ZBED1: variants seen among roughly 807,000 people sequenced by gnomAD.
ZBED1 encodes E3 SUMO-protein ligase ZBED1.
Under a neutral mutation model 49.7 loss-of-function variants are expected in ZBED1, and 19 were observed. The ratio of observed to expected loss-of-function variants is 0.38; its 90% CI spans 0.27 to 0.56. The LOEUF (loss-of-function observed/expected upper bound fraction) is 0.56, where lower values mean the gene tolerates loss of function less well. ZBED1 is among the 20% of genes least tolerant of loss of function. The probability of loss-of-function intolerance (pLI) is 0.70; values close to 1 mark genes in which losing one functional copy is unlikely to be tolerated. For synonymous variants in ZBED1, 439 were observed against 440.3 expected (o/e 1.00, Z 0.04); for missense variants, 806 against 972.6 (o/e 0.83, Z 2.28).
At chrX:2,500,447 C>T in intron 1 of ZBED1, 1 of 162,572 alleles carries the variant, frequency 6.2e-6, no homozygotes, top group Non-Finnish European at 1.4e-5. Context: ...CGTGCGAGCC[C>T]CCGGGTCCCC....
intron 1 of ZBED1, among the ~76,000 whole-genome samples, chrX:2,497,462 A>C (rs1420512305): frequency 6.6e-6 from 1 of 152,202 alleles, no homozygotes; most frequent in Non-Finnish European, 1.5e-5. Flanking sequence ...GCCACTGTTC[A>C]CTACTCATAA....
rs756381297 is a variant in ZBED1, at chrX:2,488,804, G to A, written c.1916C>T (p.Ala639Val). ...CAGAAACACCTGCTCGTCCACGTGC[G>A]CGGGAGCCAGCCGGTTCCTCTTGGC... is the stretch of plus-strand genomic sequence containing the variant. ...VSAKRNRLAPAHVDEQVFLYE... is the reference protein window; with the variant it reads ...VSAKRNRLAPVHVDEQVFLYE... Residue 639 changes from alanine to valine, a missense_variant, in exon 2 of 2, where the codon GCG becomes GTG. By Grantham distance (64) the Ala-to-Val change is moderately conservative (BLOSUM62 0). Coordinates refer to ENST00000652001, the MANE Select transcript of ZBED1 (RefSeq NM_001171136.2). The A allele has an allele frequency of 3.2e-5, 51 of 1,613,762 alleles. No homozygotes were observed. Among genetic ancestry groups the A allele is most frequent in the South Asian group, 1.1e-4 (10 of 91,076 alleles).
In ZBED1 at chrX:2,488,203, G is replaced by A. The variant is rs1483526034; in HGVS notation, c.*432C>T. The A allele has an allele frequency of 1.8e-5, 3 of 165,226 alleles. No individual in the cohort carries two copies. The highest frequency in any genetic ancestry group is 3.9e-5 in the Non-Finnish European group (3 of 77,494). The allele number at this position is 165,226 out of a possible 1,614,324, so 10.2% of individuals were successfully genotyped here. A position where few individuals can be genotyped will look rare whatever the true frequency, so the allele number is the denominator to read the frequency against. Reference sequence around the variant, plus strand: ...CTTGTGTCTTCTTTTTTCTTTTTGAGAGAGTCTCGCTCTTGTCGCCCAGGC... The same window carrying A: ...CTTGTGTCTTCTTTTTTCTTTTTGAAAGAGTCTCGCTCTTGTCGCCCAGGC... On this transcript the variant is annotated 3_prime_UTR_variant, in exon 2 of 2. Transcript: ENST00000652001.
In ZBED1 at chrX:2,488,726, C is replaced by T. The variant is rs1569343831; in HGVS notation, c.1994G>A (p.Gly665Glu). ...AEAEPEDQDE[G>E]EWGLDQEQVF... is the part of the protein sequence containing the mutation. ...CTGCTCCTGGTCCAGGCCCCACTCC[C>T]CCTCGTCCTGGTCCTCGGGTTCCGC... Residue 665 changes from glycine (G) to glutamate (E), a missense_variant, in exon 2 of 2, where the codon GGG (glycine) becomes GAG (glutamate). Coordinates refer to ENST00000652001, the MANE Select transcript of ZBED1 (RefSeq NM_001171136.2). 13 of 1,613,924 alleles carry T rather than the reference C, an allele frequency of 8.1e-6. No homozygotes were observed. The highest frequency in any genetic ancestry group is 1.1e-5 in the Non-Finnish European group (13 of 1,179,868).
At chrX:2,496,192 G>GT (rs1289808730) in intron 1 of ZBED1, among the ~76,000 whole-genome samples, 1 of 151,864 alleles carries the variant, frequency 6.6e-6, no homozygotes, top group Non-Finnish European at 1.5e-5. Context: ...TTTTGTTTTT[G>GT]TTTTTTTGTT....
Position 2,487,368 on chromosome X carries a change from CTTTTG to C in ZBED1, c.*1262_*1266del, listed in dbSNP as rs67311651. 25,754 of 151,892 alleles carry C rather than the reference CTTTTG, an allele frequency of 0.17. 2,871 individuals are homozygous for C. Among genetic ancestry groups the C allele is most frequent in the East Asian group, 0.55 (2,801 of 5,092 alleles). 9.4% of individuals were successfully genotyped at this position (151,892 alleles called of 1,614,324 possible). ...AACCTCCGGACCCGTGAGCCACCCA[CTTTTG>C]TTTTGTTTTGAGACGGAGTCTCACT... On this transcript the variant is annotated 3_prime_UTR_variant, in exon 2 of 2. Coordinates refer to ENST00000652001, the MANE Select transcript of ZBED1 (RefSeq NM_001171136.2).
Position 2,490,286 on chromosome X carries a change from T to C in ZBED1, c.434A>G (p.Asp145Gly). ...CEGLYPASIV[D>G]EPTFKVLLKT... ...CAGCAGCACCTTGAAGGTGGGCTCG[T>C]CCACGATGGAGGCTGGGTACAGCCC... The change falls in exon 2 of 2, where the codon GAC becomes GGC. Residue 145 changes from aspartate (D) to glycine (G), a missense_variant. This residue lies in a region of ZBED1 where 749 missense variants were observed against 861.3 expected (regional missense o/e 0.87). Coordinates refer to ENST00000652001, the MANE Select transcript of ZBED1 (RefSeq NM_001171136.2). 6.2e-7 allele frequency: 1 copy of C among 1,613,646 alleles called. No individual in the cohort carries two copies. Among genetic ancestry groups the C allele is most frequent in the Non-Finnish European group, 8.5e-7 (1 of 1,179,870 alleles).
chrX:2,490,415 G>A lies in ZBED1; in HGVS notation c.305C>T (p.Ser102Phe). Residue 102 changes from serine to phenylalanine, a missense_variant, in exon 2 of 2, where the codon TCC (serine) becomes TTC (phenylalanine). Transcript: ENST00000652001. ...CAGCGCGTCCTGCCCGGGCTGCTGG[G>A]ACGACTCGGGCTTCAGCTTGGAGAA... ...TAFSKLKPES[S>F]QQPGQDALAV... 1 of 1,613,966 alleles carries A rather than the reference G, an allele frequency of 6.2e-7. No homozygotes were observed. The highest frequency in any genetic ancestry group is 8.5e-7 in the Non-Finnish European group (1 of 1,179,870).
rs769306154 is a variant in ZBED1 at position 2,490,104 on chromosome X, G to T, written c.616C>A (p.Gln206Lys). The change falls in exon 2 of 2, where the codon CAG becomes AAG. Residue 206 changes from glutamine to lysine, a missense_variant. Gln to Lys is a moderately conservative substitution (Grantham distance 53). Coordinates refer to ENST00000652001, the MANE Select transcript of ZBED1 (RefSeq NM_001171136.2). The stretch of plus-strand genomic sequence containing the variant: ...GCCAGCGTGACGTAGGCGCGGTTCT[G>T]ATTCTCACTCCTCCACATGTCGGTG... ...ISTDMWRSENQNRAYVTLAAH... is the reference protein window; with the variant it reads ...ISTDMWRSENKNRAYVTLAAH... 5.6e-6 allele frequency: 9 copies of T among 1,613,786 alleles called. No homozygotes were observed. The East Asian group carries it at 1.8e-4, about 32-fold the overall frequency.
In ZBED1 at chrX:2,489,790, C is replaced by T. The variant is rs779180740; in HGVS notation, c.930G>A (p.Ala310=). 1.6e-5 allele frequency: 26 copies of T among 1,613,424 alleles called. No individual in the cohort carries two copies. Among genetic ancestry groups the T allele is most frequent in the South Asian group, 1.3e-4 (12 of 91,048 alleles). Residue 310 remains alanine, a synonymous_variant, in exon 2 of 2, where the codon GCG becomes GCA. Transcript: ENST00000652001. ...QQAFQLPKLG[A]LLSRCRKLVE... is the part of the protein sequence containing the mutation. ...CCAGTTTGCGGCAGCGCGACAGCAGCGCCCCCAGCTTCGGGAGCTGGAAGG... is the reference window on the plus strand; with the variant it reads ...CCAGTTTGCGGCAGCGCGACAGCAGTGCCCCCAGCTTCGGGAGCTGGAAGG...
rs765140029 is a variant in ZBED1, at chrX:2,488,733, C to T, written c.1987G>A (p.Asp663Asn). The T allele has an allele frequency of 2.5e-6, 4 of 1,613,972 alleles. No individual in the cohort carries two copies. The highest frequency in any genetic ancestry group is 2.5e-6 in the Non-Finnish European group (3 of 1,179,874). The part of the protein sequence containing the change: ...SGAEAEPEDQ[D>N]EGEWGLDQEQ... Reference sequence around the variant, plus strand: ...TGGTCCAGGCCCCACTCCCCCTCGTCCTGGTCCTCGGGTTCCGCCTCTGCC... The same window carrying T: ...TGGTCCAGGCCCCACTCCCCCTCGTTCTGGTCCTCGGGTTCCGCCTCTGCC... The change falls in exon 2 of 2, where the codon GAC becomes AAC. Residue 663 changes from aspartate to asparagine, a missense_variant. Around this residue, in one of 2 missense-constraint regions of ZBED1, gnomAD observed 749 missense variants for 861.3 expected, o/e 0.87. Transcript: ENST00000652001.
Position 2,488,670 on chromosome X carries a change from C to T in ZBED1, c.2050G>A (p.Gly684Ser), listed in dbSNP as rs143280726. 2.5e-4 allele frequency: 395 copies of T among 1,610,816 alleles called. 2 individuals are homozygous for T. In the East Asian group the frequency reaches 6.5e-3, roughly 27 times the overall value. Reference sequence around the variant, plus strand: ...CTGCTGTCCCTAATGCCAAAGAAACCGCCGCTGACGCCATCCCCCAAGGAG... The same window carrying T: ...CTGCTGTCCCTAATGCCAAAGAAACTGCCGCTGACGCCATCCCCCAAGGAG... ...VFSLGDGVSG[G>S]FFGIRDSSFL The change falls in exon 2 of 2, where the codon GGT (glycine) becomes AGT (serine). Residue 684 changes from glycine to serine, a missense_variant. Gly to Ser is a moderately conservative substitution (Grantham distance 56). This residue lies in a region of ZBED1 where 749 missense variants were observed against 861.3 expected (regional missense o/e 0.87). Coordinates refer to ENST00000652001, the MANE Select transcript of ZBED1 (RefSeq NM_001171136.2).
chrX:2,496,825 T>C (rs191809856), intron 1 of ZBED1, among the ~76,000 whole-genome samples: 70 of 149,576 alleles, frequency 4.7e-4, no homozygotes, highest in African/African-American at 1.7e-3. Context: ...CTAAATTATA[T>C]AAATATAACT....
Position 2,489,767 on chromosome X carries a change from A to T in ZBED1, c.953T>A (p.Leu318Gln). 1 of 1,613,360 alleles carries T rather than the reference A, an allele frequency of 6.2e-7. No homozygotes were observed. Among genetic ancestry groups the T allele is most frequent in the Non-Finnish European group, 8.5e-7 (1 of 1,179,858 alleles). The change falls in exon 2 of 2, where the codon CTG (leucine) becomes CAG (glutamine). Residue 318 changes from leucine to glutamine, a missense_variant. Physicochemically the swap from Leu to Gln is moderately radical, Grantham distance 113. Around this residue, in one of 2 missense-constraint regions of ZBED1, gnomAD observed 749 missense variants for 861.3 expected, o/e 0.87. Coordinates refer to ENST00000652001, the MANE Select transcript of ZBED1 (RefSeq NM_001171136.2). ...LGALLSRCRK[L>Q]VEYFQQSAVA... ...GGCAGACTGCTGGAAGTACTCCACC[A>T]GTTTGCGGCAGCGCGACAGCAGCGC...
intron 1 of ZBED1, among the ~76,000 whole-genome samples, chrX:2,493,514 G>A (rs2045210636): frequency 6.6e-6 from 1 of 151,520 alleles, no homozygotes; most frequent in African/African-American, 2.4e-5. Flanking sequence ...TCTGGAACCT[G>A]AAGGAAAGGT....
At chrX:2,492,480 G>A (rs1453011233) in intron 1 of ZBED1, among the ~76,000 whole-genome samples, 1 of 151,950 alleles carries the variant, frequency 6.6e-6, no homozygotes, top group Non-Finnish European at 1.5e-5. Context: ...CCCGCAGAAA[G>A]ATCTGTCCAC....
Position 2,488,857 on chromosome X carries a change from G to T in ZBED1, c.1863C>A (p.Leu621=), listed in dbSNP as rs1192277347. The T allele has an allele frequency of 6.2e-7, 1 of 1,613,650 alleles. No homozygotes were observed. The highest frequency in any genetic ancestry group is 2.2e-5 in the East Asian group (1 of 44,874). ...TGACCACGTTGGCGGCGGATCCGAAGAGACGCTCAGGGGCGACGCGCGTGG... is the reference window on the plus strand; with the variant it reads ...TGACCACGTTGGCGGCGGATCCGAATAGACGCTCAGGGGCGACGCGCGTGG... ...VTATRVAPER[L]FGSAANVVSA... Residue 621 remains leucine, a synonymous_variant, in exon 2 of 2, where the codon CTC becomes CTA. Coordinates refer to ENST00000652001, the MANE Select transcript of ZBED1 (RefSeq NM_001171136.2).
At chrX:2,490,800 T>A (rs1411946380) in intron 1 of ZBED1, 28 bp from the exon 2 acceptor site, 1 of 1,541,794 alleles carries the variant, frequency 6.5e-7, no homozygotes, top group African/African-American at 1.4e-5. Context: ...AAACACAGCA[T>A]GAGAAGGGAC....
chrX:2,488,673 C>A lies in ZBED1; in HGVS notation c.2047G>T (p.Gly683Cys), dbSNP rs747102073. 1 of 1,611,894 alleles carries A rather than the reference C, an allele frequency of 6.2e-7. No homozygotes were observed. Reference protein sequence around the residue: ...QVFSLGDGVSGGFFGIRDSSF... With the variant: ...QVFSLGDGVSCGFFGIRDSSF... The stretch of plus-strand genomic sequence containing the variant: ...CTGTCCCTAATGCCAAAGAAACCGC[C>A]GCTGACGCCATCCCCCAAGGAGAAC... Residue 683 changes from glycine (G) to cysteine (C), a missense_variant, in exon 2 of 2, where the codon GGC becomes TGC. Physicochemically the swap from Gly to Cys is radical, Grantham distance 159. Coordinates refer to ENST00000652001, the MANE Select transcript of ZBED1 (RefSeq NM_001171136.2).
Sources: allele counts gnomAD v4.1 joint callset (sites outside exome capture counted in the v4.1 genomes callset), GRCh38; gene constraint gnomAD v4.1.1; regional missense constraint gnomAD v4.1.1; transcripts MANE v1.5; gene names NCBI Gene and HGNC (gene_info 2026-07-23, HGNC 2026-07-21).